Variants in TRIP12 observed in about 807,000 individuals in gnomAD.
TRIP12 encodes the protein E3 ubiquitin-protein ligase TRIP12.
In TRIP12, 25 loss-of-function variants were observed where a neutral mutation model predicts 244.2. The observed-to-expected ratio is 0.10, with a 90% CI of 0.07 to 0.14. The LOEUF (loss-of-function observed/expected upper bound fraction) is 0.14, where lower values mean the gene tolerates loss of function less well. Among genes scored for constraint, TRIP12 ranks in the 10% least tolerant of loss-of-function variants. The probability of loss-of-function intolerance (pLI) is 1.00; values close to 1 mark genes in which losing one functional copy is unlikely to be tolerated. For missense variants in TRIP12, 1,677 were observed against 2,486.4 expected (o/e 0.67, Z 6.92); for synonymous variants, 905 against 873.1 (o/e 1.04, Z -0.64).
Position 229,814,298 on chromosome 2 carries a change from C to T in TRIP12, c.1759G>A (p.Ala587Thr). Residue 587 changes from alanine (A) to threonine (T), a missense_variant, in exon 12 of 42, where the codon GCA (alanine) becomes ACA (threonine). This residue lies in a region of TRIP12 where 572 missense variants were observed against 867.8 expected (regional missense o/e 0.66). Transcript: ENST00000675903. ...TCCAAGGCAGTCAAGGCCTGCTCTG[C>T]CACATCAATACACTGAATAACTTGC... ...KLQVIQCIDV[A>T]EQALTALEML... 1 of 1,614,122 alleles carries T rather than the reference C, an allele frequency of 6.2e-7. No homozygotes were observed. The highest frequency in any genetic ancestry group is 8.5e-7 in the Non-Finnish European group (1 of 1,180,002).
intron 15 of TRIP12, 149 bp from the exon 16 acceptor site, chr2:229,808,518 G>T: frequency 1.7e-6 from 1 of 597,926 alleles, no homozygotes; most frequent in Non-Finnish European, 2.9e-6. Context: ...AAATGCAAAA[G>T]TGCTGTAATA....
Position 229,796,641 on chromosome 2 carries a change from T to C in TRIP12, c.3766A>G (p.Ser1256Gly). 1.9e-6 allele frequency: 3 copies of C among 1,611,704 alleles called. No individual in the cohort carries two copies. The highest frequency in any genetic ancestry group is 2.5e-6 in the Non-Finnish European group (3 of 1,179,446). ...LTSKSEKDAV[S>G]REIRLKRFLH... ...AATCGCTTTAATCTGATCTCTCTGCTCACAGCATCCTTTTCACTTTTAGAT... is the reference window on the plus strand; with the variant it reads ...AATCGCTTTAATCTGATCTCTCTGCCCACAGCATCCTTTTCACTTTTAGAT... The change falls in exon 25 of 42, where the codon AGC (serine) becomes GGC (glycine). Residue 1256 changes from serine to glycine, a missense_variant. Physicochemically the swap from Ser to Gly is moderately conservative, Grantham distance 56. Coordinates refer to ENST00000675903, the MANE Select transcript of TRIP12 (RefSeq NM_001348323.3).
chr2:229,830,559 C>G (rs771855319), intron 7 of TRIP12, among the ~76,000 whole-genome samples, 197 bp downstream of exon 7: 2 of 152,112 alleles, frequency 1.3e-5, no homozygotes, highest in Non-Finnish European at 2.9e-5. Flanking sequence ...TCTAGTGAAA[C>G]AGTAAACACG....
At chr2:229,810,785 G>A (rs1010697540) in intron 15 of TRIP12, 95 bp downstream of exon 15, 2 of 1,255,004 alleles carry the variant, frequency 1.6e-6, no homozygotes, top group African/African-American at 1.5e-5. Flanking sequence ...TATAATATTA[G>A]TAATCTCTTC....
At chr2:229,870,753 TTTTA>T (rs762674826) in intron 2 of TRIP12, among the ~76,000 whole-genome samples, 61 of 152,352 alleles carry the variant, frequency 4.0e-4, no homozygotes, top group Middle Eastern at 6.8e-3. Context: ...AAGTTTGGCA[TTTTA>T]TTTATTTATT....
chr2:229,849,268 T>C (rs1367374422), intron 4 of TRIP12, among the ~76,000 whole-genome samples: 4 of 152,232 alleles, frequency 2.6e-5, no homozygotes, highest in African/African-American at 9.6e-5. Context: ...AATGTTCCTT[T>C]ACGTGGCTCA....
chr2:229,765,107 A>G lies in TRIP12; in HGVS notation c.*2447T>C, dbSNP rs548210949. 2.7e-4 allele frequency: 41 copies of G among 152,308 alleles called. No individual in the cohort carries two copies. The highest frequency in any genetic ancestry group is 9.1e-4 in the African/African-American group (38 of 41,578). 9.4% of individuals were successfully genotyped at this position (152,308 alleles called of 1,614,324 possible). ...CTTCCTTCTTGGAATAGTTAAAAAT[A>G]CGTTCTCATATATAAAGCAGATCGA... On this transcript the variant is annotated 3_prime_UTR_variant, in exon 42 of 42. Coordinates refer to ENST00000675903, the MANE Select transcript of TRIP12 (RefSeq NM_001348323.3).
At position 229,787,517 on chromosome 2, in the gene TRIP12, C is replaced by T; in HGVS notation, c.4983G>A (p.Leu1661=). The change falls in exon 33 of 42, where the codon TTG becomes TTA. Residue 1661 remains leucine, a synonymous_variant. Coordinates refer to ENST00000675903, the MANE Select transcript of TRIP12 (RefSeq NM_001348323.3). ...DSQDSRVAPR[L]DRKKRTVNRE... ...GGGAGAAACTTACTTTTTTTCTATC[C>T]AATCTAGGTGCAACTCTGCTATCTT... 2 of 1,598,188 alleles carry T rather than the reference C, an allele frequency of 1.3e-6. No homozygotes were observed. Among genetic ancestry groups the T allele is most frequent in the Non-Finnish European group, 1.7e-6 (2 of 1,175,480 alleles).
At chr2:229,792,581 T>A (rs1575067710) in intron 27 of TRIP12, among the ~76,000 whole-genome samples, 1 of 151,796 alleles carries the variant, frequency 6.6e-6, no homozygotes, top group Admixed American at 6.6e-5. Context: ...AGGTGTGGAG[T>A]CTTCCACTTG....
intron 1 of TRIP12, among the ~76,000 whole-genome samples, chr2:229,892,415 A>G (rs1323464673): frequency 3.9e-5 from 6 of 152,184 alleles, no homozygotes; most frequent in Non-Finnish European, 8.8e-5. Flanking sequence ...AAAAGTACCT[A>G]TGTCTTGAGT....
chr2:229,855,969 T>G (rs949272484), intron 4 of TRIP12, among the ~76,000 whole-genome samples: 1 of 149,048 alleles, frequency 6.7e-6, no homozygotes, highest in African/African-American at 2.5e-5. Context: ...ACCTGGGAGG[T>G]AGAGGTTGCG....
At chr2:229,914,688 AGAGT>A (rs749093801) in intron 1 of TRIP12, among the ~76,000 whole-genome samples, 9 of 152,228 alleles carry the variant, frequency 5.9e-5, no homozygotes, top group Admixed American at 2.6e-4. Context: ...GCCCACGGCT[AGAGT>A]GAGTAGGAGT....
chr2:229,789,046 A>G lies in TRIP12; in HGVS notation c.4696-106T>C, dbSNP rs556469753. 8 of 1,066,058 alleles carry G rather than the reference A, an allele frequency of 7.5e-6. 1 individual carries two copies. The South Asian group carries it at 1.3e-4, about 17-fold the overall frequency. 66.0% of individuals were successfully genotyped at this position (1,066,058 alleles called of 1,614,324 possible). ...AGTCCATGCAAAGTACCCTGAATTC[A>G]CGTGTTGGTTTCCAACATACAACAC... On this transcript the variant is annotated intron_variant, in intron 31 of 41. Coordinates refer to ENST00000675903, the MANE Select transcript of TRIP12 (RefSeq NM_001348323.3).
chr2:229,845,469 C>G (rs1369131913), intron 4 of TRIP12, among the ~76,000 whole-genome samples: 1 of 152,044 alleles, frequency 6.6e-6, no homozygotes, highest in Non-Finnish European at 1.5e-5. Context: ...ATGTGGTCAG[C>G]AAGGCCTAAA....
In TRIP12 at chr2:229,807,714, G is replaced by A. The variant is rs1157233941; in HGVS notation, c.2490C>T (p.Ile830=). 2 of 1,614,070 alleles carry A rather than the reference G, an allele frequency of 1.2e-6. No homozygotes were observed. Among genetic ancestry groups the A allele is most frequent in the South Asian group, 1.1e-5 (1 of 91,076 alleles). ...WHPYNRIDSR[I]IEAAHQVGED... ...GGTACGATGAAACTACTACCTCAAT[G>A]ATCCGGCTGTCAATCCTGTTATATG... The change falls in exon 17 of 42, where the codon ATC becomes ATT. Residue 830 remains isoleucine (I), a synonymous_variant. Transcript: ENST00000675903.
chr2:229,898,290 T>A (rs969127622), intron 1 of TRIP12, among the ~76,000 whole-genome samples: 2 of 152,238 alleles, frequency 1.3e-5, no homozygotes, highest in Non-Finnish European at 2.9e-5. Flanking sequence ...TTGACATTAG[T>A]GTAAACTTGA....
chr2:229,874,731 A>T (rs1046061341), intron 2 of TRIP12, among the ~76,000 whole-genome samples: 3 of 152,200 alleles, frequency 2.0e-5, no homozygotes, highest in Non-Finnish European at 4.4e-5. Context: ...ATAGACTAGA[A>T]ATATTAACCA....
intron 8 of TRIP12, among the ~76,000 whole-genome samples, chr2:229,821,967 C>T (rs2050165658): frequency 6.6e-6 from 1 of 152,148 alleles, no homozygotes; most frequent in Non-Finnish European, 1.5e-5. Context: ...TGGTGAAACG[C>T]TGTTTCTACT....
chr2:229,826,632 A>T lies in TRIP12; in HGVS notation c.1450+2561T>A, dbSNP rs148638670. On this transcript the variant is annotated intron_variant, in intron 8 of 41. Coordinates refer to ENST00000675903, the MANE Select transcript of TRIP12 (RefSeq NM_001348323.3). ...TGTAAACATCATAGAGTATACCTAA[A>T]CCAAGATGGTACAGCCTACTACACA... Among the ~76,000 whole-genome samples, 136 of 152,304 alleles carry T rather than the reference A, an allele frequency of 8.9e-4. 3 individuals carry two copies. The East Asian group carries it at 0.024, about 26-fold the overall frequency.
Sources: allele counts gnomAD v4.1 joint callset (sites outside exome capture counted in the v4.1 genomes callset), GRCh38; gene constraint gnomAD v4.1.1; regional missense constraint gnomAD v4.1.1; transcripts MANE v1.5; gene names NCBI Gene and HGNC (gene_info 2026-07-23, HGNC 2026-07-21).